Variants in RIMKLA observed in about 807,000 individuals in gnomAD.
RIMKLA encodes N-acetylaspartylglutamate synthase A.
A neutral mutation model predicts 32.7 loss-of-function variants in RIMKLA; 14 were observed. That is an observed-to-expected ratio of 0.43 (90% CI 0.28 to 0.67). The LOEUF (loss-of-function observed/expected upper bound fraction) is 0.67. Ranked by LOEUF, RIMKLA falls within the 30% of genes least tolerant of loss-of-function variation. The pLI is 0.18. For synonymous variants in RIMKLA, 176 were observed against 204.1 expected, an observed-to-expected ratio of 0.86 and a Z score of 1.18; for missense variants, 410 against 519.0, an observed-to-expected ratio of 0.79 and a Z score of 2.04.
At chr1:42,404,634 GC>G in intron 3 of RIMKLA, 37 bp downstream of exon 3, 1 of 1,313,800 alleles carries the variant, frequency 7.6e-7, no homozygotes. Flanking sequence ...TGGGTAATCA[GC>G]CCACTAGGGC....
chr1:42,413,883 G>A (rs1187503135), intron 4 of RIMKLA, among the ~76,000 whole-genome samples: 2 of 148,956 alleles, frequency 1.3e-5, no homozygotes, highest in Admixed American at 1.3e-4. Context: ...CAGCTGGGGT[G>A]GGAGGAACCC....
intron 2 of RIMKLA, among the ~76,000 whole-genome samples, chr1:42,400,455 A>C (rs12568497): frequency 0.18 from 27,471 of 152,222 alleles, 2,580 homozygotes; most frequent in East Asian, 0.22. Flanking sequence ...CCAAGTGAGC[A>C]ACGATGGTCT....
At chr1:42,384,387 T>G (rs1243965700) in intron 1 of RIMKLA, among the ~76,000 whole-genome samples, 1 of 151,848 alleles carries the variant, frequency 6.6e-6, no homozygotes, top group African/African-American at 2.4e-5. Context: ...ATTCGTTTCA[T>G]AAATACGTAC....
rs761660876 is a variant in RIMKLA, at chr1:42,417,499, G to C, written c.*2525G>C. On this transcript the variant is annotated 3_prime_UTR_variant, in exon 5 of 5. Coordinates refer to ENST00000431473, the MANE Select transcript of RIMKLA (RefSeq NM_173642.4). Reference sequence around the variant, plus strand: ...GTTCTCCGCTTGAACAGCTGACCTCGTGCAATCACAGGAACTCTGCGTCTC... The same window carrying C: ...GTTCTCCGCTTGAACAGCTGACCTCCTGCAATCACAGGAACTCTGCGTCTC... The C allele has an allele frequency of 3.9e-5, 6 of 152,244 alleles. No individual in the cohort carries two copies. Among genetic ancestry groups the C allele is most frequent in the African/African-American group, 1.4e-4 (6 of 41,454 alleles). The allele number at this position is 152,244 out of a possible 1,614,324, so 9.4% of individuals were successfully genotyped here.
chr1:42,406,506 C>T (rs2148392765), intron 3 of RIMKLA, among the ~76,000 whole-genome samples: 1 of 152,308 alleles, frequency 6.6e-6, no homozygotes, highest in East Asian at 1.9e-4. Flanking sequence ...TGTCTGGCTT[C>T]TTTCACTTAG....
intron 1 of RIMKLA, among the ~76,000 whole-genome samples, chr1:42,387,171 GC>G (rs554139666): frequency 2.0e-3 from 300 of 151,892 alleles, no homozygotes; most frequent in Non-Finnish European, 3.2e-3. Flanking sequence ...AACCTGGGAG[GC>G]GGAGGTTGCA....
Position 42,383,100 on chromosome 1 carries a change from G to A in RIMKLA, c.163+2003G>A, listed in dbSNP as rs1271565126. ...AGAGTTTCACCATGTTGGTCAGGCT[G>A]GTCTCAAACTCCTGACCTGAGGTGA... On this transcript the variant is annotated intron_variant, in intron 1 of 4. Coordinates refer to ENST00000431473, the MANE Select transcript of RIMKLA (RefSeq NM_173642.4). 2.0e-5 allele frequency among the ~76,000 whole-genome samples: 3 copies of A among 151,302 alleles called. No individual in the cohort carries two copies. In the East Asian group the frequency reaches 5.8e-4, roughly 29 times the overall value.
chr1:42,405,349 G>A (rs1256604868), intron 3 of RIMKLA, among the ~76,000 whole-genome samples: 1 of 152,160 alleles, frequency 6.6e-6, no homozygotes, highest in Non-Finnish European at 1.5e-5. Flanking sequence ...ACTAGACTGC[G>A]AGCTGCTCAT....
At chr1:42,404,431 TC>T in intron 2 of RIMKLA, 79 bp from the exon 3 acceptor site, 1 of 908,376 alleles carries the variant, frequency 1.1e-6, no homozygotes. Flanking sequence ...TCACAAGAAT[TC>T]CTACAGAGGG....
rs1436937472 is a variant in RIMKLA at position 42,419,556 on chromosome 1, A to C, written c.*4582A>C. The stretch of plus-strand genomic sequence containing the variant: ...CTCATCCACTTTGGCATACTGCCAG[A>C]GGTAGCTCCATCCCTCCCTGGAATC... On this transcript the variant is annotated 3_prime_UTR_variant, in exon 5 of 5. Coordinates refer to ENST00000431473, the MANE Select transcript of RIMKLA (RefSeq NM_173642.4). The C allele has an allele frequency of 6.6e-6, 1 of 152,310 alleles. No homozygotes were observed. Among genetic ancestry groups the C allele is most frequent in the Non-Finnish European group, 1.5e-5 (1 of 68,110 alleles). 9.4% of individuals were successfully genotyped at this position (152,310 alleles called of 1,614,324 possible).
intron 4 of RIMKLA, among the ~76,000 whole-genome samples, chr1:42,412,157 G>C (rs1643203974): frequency 6.6e-6 from 1 of 152,148 alleles, no homozygotes; most frequent in African/African-American, 2.4e-5. Flanking sequence ...AGTGTCATAG[G>C]TGGGAAGGGA....
At chr1:42,393,354 A>T (rs1283119549) in intron 1 of RIMKLA, among the ~76,000 whole-genome samples, 2 of 152,226 alleles carry the variant, frequency 1.3e-5, no homozygotes, top group Non-Finnish European at 2.9e-5. Context: ...TAAGTTGTGT[A>T]TCTTTCTCTG....
intron 1 of RIMKLA, among the ~76,000 whole-genome samples, chr1:42,385,759 CT>C (rs1421740269): frequency 1.3e-5 from 1 of 79,992 alleles, no homozygotes; most frequent in Non-Finnish European, 2.4e-5. Context: ...TTCTTTCTTT[CT>C]TTCTTTCTTT....
chr1:42,398,967 T>TAAAA (rs543668676), intron 1 of RIMKLA, among the ~76,000 whole-genome samples: 1 of 98,372 alleles, frequency 1.0e-5, no homozygotes, highest in Non-Finnish European at 1.9e-5. Context: ...ACCCTGTCTT[T>TAAAA]AAAAAAAAAA....
intron 3 of RIMKLA, 24 bp from the exon 4 acceptor site, chr1:42,409,960 C>A (rs568505909): frequency 2.5e-6 from 4 of 1,596,474 alleles, no homozygotes; most frequent in Non-Finnish European, 3.4e-6. Context: ...CTAACCCCTT[C>A]TCTTGCTCTT....
chr1:42,416,097 G>GGGGT lies in RIMKLA; in HGVS notation c.*1124_*1125insGGTG, dbSNP rs1557759914. 1 of 129,964 alleles carries GGGGT rather than the reference G, an allele frequency of 7.7e-6. No individual in the cohort carries two copies. Among genetic ancestry groups the GGGGT allele is most frequent in the African/African-American group, 2.6e-5 (1 of 38,348 alleles). The allele number at this position is 129,964 out of a possible 1,614,324, so 8.1% of individuals were successfully genotyped here. On this transcript the variant is annotated 3_prime_UTR_variant, in exon 5 of 5. Transcript: ENST00000431473. The stretch of plus-strand genomic sequence containing the variant: ...CCATTGCACATTTTGCGGGGGGGGG[G>GGGGT]GCTAATGTAGACATGACACCAAGTG...
At chr1:42,396,846 A>G (rs1007280327) in intron 1 of RIMKLA, among the ~76,000 whole-genome samples, 1 of 152,118 alleles carries the variant, frequency 6.6e-6, no homozygotes, top group African/African-American at 2.4e-5. Context: ...ATATTATCTC[A>G]CTGTGTAATG....
In RIMKLA at chr1:42,410,043, C is replaced by T. The variant is rs775323132; in HGVS notation, c.541C>T (p.Arg181Cys). 6.7e-5 allele frequency: 108 copies of T among 1,613,970 alleles called. No homozygotes were observed. The highest frequency in any genetic ancestry group is 8.8e-5 in the Non-Finnish European group (104 of 1,180,014). ...HHLSDICHLI[R>C]HDVPYLFQKY... ...CCTCTCTGACATCTGCCATCTGATC[C>T]GCCACGATGTGCCCTACCTGTTCCA... is the stretch of plus-strand genomic sequence containing the variant. Residue 181 changes from arginine to cysteine, a missense_variant, in exon 4 of 5, where the codon CGC becomes TGC. Physicochemically the swap from Arg to Cys is radical, Grantham distance 180. Transcript: ENST00000431473.
At chr1:42,384,525 A>G (rs1378687425) in intron 1 of RIMKLA, among the ~76,000 whole-genome samples, 1 of 147,970 alleles carries the variant, frequency 6.8e-6, no homozygotes, top group Non-Finnish European at 1.5e-5. Context: ...ATATGTGTGT[A>G]TATATACATA....
Sources: gnomAD v4.1 joint callset for allele counts (sites outside exome capture counted in the v4.1 genomes callset) on GRCh38, gnomAD v4.1.1 for gene constraint, MANE v1.5 for transcripts, NCBI Gene and HGNC (gene_info 2026-07-23, HGNC 2026-07-21) for gene names.